HBS1L: variants seen among roughly 807,000 people sequenced by gnomAD.
The protein encoded by HBS1L is HBS1-like protein.
In HBS1L, 55 loss-of-function variants were observed where a neutral mutation model predicts 88.9. The ratio of observed to expected loss-of-function variants is 0.62; its 90% confidence interval spans 0.50 to 0.77. The LOEUF (loss-of-function observed/expected upper bound fraction) is 0.77. HBS1L is among the 30% of genes least tolerant of loss of function. The pLI is 0.00. For synonymous variants in HBS1L, 267 were observed against 288.5 expected, an observed-to-expected ratio of 0.93 and a Z score of 0.76; for missense variants, 741 against 829.3, an observed-to-expected ratio of 0.89 and a Z score of 1.31.
chr6:134,971,548 C>A (rs1471227707), intron 15 of HBS1L, among the ~76,000 whole-genome samples: 2 of 152,150 alleles, frequency 1.3e-5, no homozygotes, highest in Non-Finnish European at 2.9e-5. Flanking sequence ...TGGGTTGTGG[C>A]AGCATGAAGT....
chr6:135,030,261 G>A (rs1776346561), intron 4 of HBS1L, among the ~76,000 whole-genome samples: 1 of 152,160 alleles, frequency 6.6e-6, no homozygotes, highest in Non-Finnish European at 1.5e-5. Flanking sequence ...TGTATGTGTG[G>A]GAGAGGAATT....
chr6:134,982,271 C>T (rs1774851219), intron 13 of HBS1L, 187 bp downstream of exon 13: 3 of 557,732 alleles, frequency 5.4e-6, no homozygotes, highest in South Asian at 2.2e-5. Flanking sequence ...TATACAGACA[C>T]AATCACAACA....
At chr6:135,027,366 T>C (rs973129337) in intron 4 of HBS1L, among the ~76,000 whole-genome samples, 2 of 151,812 alleles carry the variant, frequency 1.3e-5, no homozygotes. Flanking sequence ...TGATAAACAG[T>C]ATAATAAAAC....
intron 2 of HBS1L, among the ~76,000 whole-genome samples, chr6:135,048,376 C>T (rs1026504372): frequency 3.3e-5 from 5 of 152,144 alleles, no homozygotes; most frequent in African/African-American, 9.7e-5. Context: ...CTTTAAAAGG[C>T]GGAATCCCCT....
chr6:135,018,005 CAG>C (rs1007454169), intron 4 of HBS1L, among the ~76,000 whole-genome samples: 3 of 147,112 alleles, frequency 2.0e-5, no homozygotes, highest in South Asian at 2.2e-4. Context: ...AAAAAAAAAA[CAG>C]GGGTTTTCCA....
rs186889702 is a variant in HBS1L at position 135,007,051 on chromosome 6, C to T, written c.431-4209G>A. On this transcript the variant is annotated intron_variant, in intron 4 of 17. Coordinates refer to ENST00000367837, the MANE Select transcript of HBS1L (RefSeq NM_006620.4). ...TGTCCCACTTAACACATTTAGTACA[C>T]TGAAATACTGAAATTTTGGCTTTTA... Among the ~76,000 whole-genome samples the T allele has an allele frequency of 1.2e-3, 185 of 152,232 alleles. 1 individual carries two copies. Among genetic ancestry groups the T allele is most frequent in the Middle Eastern group, 6.8e-3 (2 of 294 alleles).
intron 7 of HBS1L, among the ~76,000 whole-genome samples, 167 bp downstream of exon 7, chr6:134,996,610 T>G (rs538507547): frequency 6.6e-6 from 1 of 152,224 alleles, no homozygotes; most frequent in Non-Finnish European, 1.5e-5. Flanking sequence ...AAAAACAGTA[T>G]GCAGATTACA....
chr6:134,982,744 T>C (rs1774868707), intron 12 of HBS1L, 182 bp from the exon 13 acceptor site: 1 of 384,778 alleles, frequency 2.6e-6, no homozygotes, highest in Non-Finnish European at 4.6e-6. Flanking sequence ...CTTTTTTTTT[T>C]TGCAAATAAA....
chr6:134,988,829 G>T (rs1001940739), intron 8 of HBS1L, among the ~76,000 whole-genome samples: 1 of 152,076 alleles, frequency 6.6e-6, no homozygotes, highest in Non-Finnish European at 1.5e-5. Context: ...TTATCCCAGA[G>T]AAATAAGTAT....
intron 4 of HBS1L, among the ~76,000 whole-genome samples, chr6:135,013,055 G>T (rs1775817166): frequency 6.6e-6 from 1 of 152,210 alleles, no homozygotes; most frequent in South Asian, 2.1e-4. Context: ...AGTTAGGTTA[G>T]TAGATAAGAC....
At chr6:134,998,952 T>C (rs988705572) in intron 5 of HBS1L, among the ~76,000 whole-genome samples, 4 of 152,216 alleles carry the variant, frequency 2.6e-5, no homozygotes, top group African/African-American at 9.6e-5. Flanking sequence ...TAAAGGATTC[T>C]AACAGGCTAA....
At chr6:135,034,273 A>G (rs1776466386) in intron 4 of HBS1L, among the ~76,000 whole-genome samples, 1 of 152,258 alleles carries the variant, frequency 6.6e-6, no homozygotes, top group African/African-American at 2.4e-5. Context: ...AATACAAAAA[A>G]TTATCAAATG....
chr6:134,999,174 T>C (rs1276702330), intron 5 of HBS1L, among the ~76,000 whole-genome samples: 3 of 152,136 alleles, frequency 2.0e-5, no homozygotes, highest in African/African-American at 7.2e-5. Flanking sequence ...CTTTTTGTTT[T>C]TAGCTGCAAA....
chr6:134,986,473 C>A (rs1416068801), intron 10 of HBS1L, among the ~76,000 whole-genome samples: 1 of 152,030 alleles, frequency 6.6e-6, no homozygotes, highest in African/African-American at 2.4e-5. Flanking sequence ...TCCTCTATGA[C>A]CTCCCTAAAC....
chr6:135,000,027 A>G (rs866872162), intron 5 of HBS1L, among the ~76,000 whole-genome samples: 9 of 151,964 alleles, frequency 5.9e-5, no homozygotes, highest in Middle Eastern at 6.8e-3. Context: ...GCTTTCTGGT[A>G]TCATTTTGTA....
intron 4 of HBS1L, among the ~76,000 whole-genome samples, chr6:135,008,984 C>T (rs569245811): frequency 6.6e-6 from 1 of 152,256 alleles, no homozygotes; most frequent in East Asian, 1.9e-4. Context: ...CAATAACCTC[C>T]TCAATTTACT....
At chr6:134,968,607 T>G (rs890830513) in intron 16 of HBS1L, among the ~76,000 whole-genome samples, 8 of 152,144 alleles carry the variant, frequency 5.3e-5, no homozygotes, top group African/African-American at 1.9e-4. Context: ...ATTTACGTAC[T>G]TAGTTTCTGA....
intron 4 of HBS1L, among the ~76,000 whole-genome samples, chr6:135,017,526 T>C (rs1398534583): frequency 6.6e-6 from 1 of 152,120 alleles, no homozygotes; most frequent in Non-Finnish European, 1.5e-5. Context: ...TAGTTTTTGT[T>C]TTAAATTAAA....
chr6:134,992,920 G>A (rs1374074781), intron 8 of HBS1L, among the ~76,000 whole-genome samples: 1 of 152,138 alleles, frequency 6.6e-6, no homozygotes, highest in Non-Finnish European at 1.5e-5. Context: ...AGTCCTGCGA[G>A]CTCCATTCAT....
Sources: gnomAD v4.1 joint callset for allele counts (sites outside exome capture counted in the v4.1 genomes callset) on GRCh38, gnomAD v4.1.1 for gene constraint, MANE v1.5 for transcripts, NCBI Gene and HGNC (gene_info 2026-07-23, HGNC 2026-07-21) for gene names.